ERMP1: variants seen among roughly 807,000 people sequenced by gnomAD.
The protein encoded by ERMP1 is endoplasmic reticulum metallopeptidase 1.
In ERMP1, 86 loss-of-function variants were observed where a neutral mutation model predicts 92.0. That is an observed-to-expected ratio of 0.93 (90% confidence interval 0.79 to 1.12). ERMP1 has a LOEUF of 1.12. Ranked by LOEUF, ERMP1 falls within the 50% of genes most tolerant of loss-of-function variation. ERMP1 has a pLI of 0.00. For missense variants in ERMP1, 1,342 were observed against 1,116.3 expected (o/e 1.20, Z -2.88); for synonymous variants, 530 against 412.8 (o/e 1.28, Z -3.44).
At chr9:5,811,026 G>C (rs1473042812) in intron 7 of ERMP1, 85 bp downstream of exon 7, 1 of 833,148 alleles carries the variant, frequency 1.2e-6, no homozygotes, top group Non-Finnish European at 1.9e-6. Flanking sequence ...TAGCTTTCTG[G>C]GAAGATATAA....
At chr9:5,832,568 G>C (rs757828642) in intron 1 of ERMP1, 122 bp downstream of exon 1, 11 of 753,506 alleles carry the variant, frequency 1.5e-5, no homozygotes, top group African/African-American at 3.7e-5. Context: ...CGTGCAGCCT[G>C]GGAGGGGTCA....
At chr9:5,841,067 T>C (rs556185265) in intron 6 of ERMP1, among the ~76,000 whole-genome samples, 4 of 152,248 alleles carry the variant, frequency 2.6e-5, no homozygotes, top group Non-Finnish European at 5.9e-5. Flanking sequence ...GAATGTAACA[T>C]TCATACCCTT....
rs528181688 is a variant in ERMP1 at position 5,828,141 on chromosome 9, A to G, written c.640+2586T>C. 3.9e-5 allele frequency among the ~76,000 whole-genome samples: 6 copies of G among 152,368 alleles called. No individual in the cohort carries two copies. The East Asian group carries it at 9.6e-4, about 24-fold the overall frequency. On this transcript the variant is annotated intron_variant, in intron 2 of 14. Coordinates refer to ENST00000339450, the MANE Select transcript of ERMP1 (RefSeq NM_024896.3). The stretch of plus-strand genomic sequence containing the variant: ...AAGTGAGAACCTGTCTCTATTATTT[A>G]AAACATAATAATAAAAAGTGGGTTC...
At chr9:5,796,806 T>C (rs1382431855) in intron 13 of ERMP1, among the ~76,000 whole-genome samples, 1 of 152,258 alleles carries the variant, frequency 6.6e-6, no homozygotes, top group African/African-American at 2.4e-5. Flanking sequence ...GGTAGATACA[T>C]GGCATCACAC....
At chr9:5,802,876 T>C (rs1423805591) in intron 10 of ERMP1, among the ~76,000 whole-genome samples, 1 of 152,174 alleles carries the variant, frequency 6.6e-6, no homozygotes, top group African/African-American at 2.4e-5. Context: ...CTCTTCATTT[T>C]ATTTTGCACC....
At chr9:5,832,633 C>G in intron 1 of ERMP1, 57 bp downstream of exon 1, 1 of 1,297,232 alleles carries the variant, frequency 7.7e-7, no homozygotes, top group Non-Finnish European at 1.0e-6. Context: ...TGCCCCGGAG[C>G]CTGCGCAGGA....
chr9:5,860,183 T>C (rs1830444283), intron 5 of ERMP1, among the ~76,000 whole-genome samples: 1 of 151,300 alleles, frequency 6.6e-6, no homozygotes, highest in Non-Finnish European at 1.5e-5. Flanking sequence ...TGCATACCTG[T>C]AGTCCCAGCT....
At chr9:5,856,864 G>A (rs932776856) in intron 6 of ERMP1, among the ~76,000 whole-genome samples, 4 of 152,022 alleles carry the variant, frequency 2.6e-5, no homozygotes, top group Admixed American at 1.3e-4. Context: ...TGAACAAAAC[G>A]TATACATGGA....
intron 8 of ERMP1, among the ~76,000 whole-genome samples, chr9:5,807,994 A>G (rs10975292): frequency 6.6e-6 from 1 of 151,300 alleles, no homozygotes; most frequent in African/African-American, 2.4e-5. Context: ...TGTTTTTTTT[A>G]AAAAAAAATA....
At chr9:5,800,070 T>A (rs1269569279) in intron 11 of ERMP1, among the ~76,000 whole-genome samples, 6 of 152,226 alleles carry the variant, frequency 3.9e-5, no homozygotes, top group Non-Finnish European at 8.8e-5. Context: ...CATTTCTGTT[T>A]GGCTAGATTA....
At chr9:5,797,751 A>G (rs1246839641) in intron 13 of ERMP1, 66 bp downstream of exon 13, 8 of 962,408 alleles carry the variant, frequency 8.3e-6, no homozygotes, top group Non-Finnish European at 1.3e-5. Context: ...AGGGAAAAAC[A>G]TACATGCCAC....
At chr9:5,821,812 G>GAC (rs1829547158) in intron 4 of ERMP1, among the ~76,000 whole-genome samples, 1 of 152,164 alleles carries the variant, frequency 6.6e-6, no homozygotes, top group Non-Finnish European at 1.5e-5. Context: ...AAAATACACA[G>GAC]ACACACTCCT....
intron 6 of ERMP1, among the ~76,000 whole-genome samples, chr9:5,811,796 CAT>C (rs755156126): frequency 1.2e-4 from 18 of 152,334 alleles, no homozygotes; most frequent in East Asian, 3.9e-4. Context: ...AGCTGTCACA[CAT>C]GTGTTAAAAA....
chr9:5,812,010 A>G (rs1829115206), intron 6 of ERMP1, 115 bp downstream of exon 6: 18 of 659,684 alleles, frequency 2.7e-5, no homozygotes, highest in Non-Finnish European at 2.1e-5. Context: ...GCCCTAGCTC[A>G]TTCACATTGC....
chr9:5,843,172 TAGA>T (rs1417240216), intron 6 of ERMP1, among the ~76,000 whole-genome samples: 3 of 152,326 alleles, frequency 2.0e-5, no homozygotes, highest in East Asian at 3.9e-4. Context: ...AGGTTAAGGT[TAGA>T]AGGAGTGGTA....
At chr9:5,817,701 C>T (rs574765168) in intron 4 of ERMP1, among the ~76,000 whole-genome samples, 2 of 152,200 alleles carry the variant, frequency 1.3e-5, no homozygotes, top group African/African-American at 4.8e-5. Context: ...TATGGGCATG[C>T]GTAACGTTCA....
intron 6 of ERMP1, among the ~76,000 whole-genome samples, chr9:5,857,568 C>T (rs529721681): frequency 6.6e-6 from 1 of 152,322 alleles, no homozygotes; most frequent in South Asian, 2.1e-4. Flanking sequence ...ACTCTTCTCC[C>T]TACTTATAAT....
chr9:5,791,890 A>G (rs1296928246), intron 13 of ERMP1, among the ~76,000 whole-genome samples: 1 of 152,242 alleles, frequency 6.6e-6, no homozygotes, highest in Non-Finnish European at 1.5e-5. Context: ...AAAGACATAA[A>G]CTACATAATC....
intron 4 of ERMP1, 69 bp downstream of exon 4, chr9:5,823,827 A>C: frequency 9.9e-7 from 1 of 1,014,800 alleles, no homozygotes; most frequent in Non-Finnish European, 1.5e-6. Flanking sequence ...TATTATTTAT[A>C]ATCAAAAACT....
Sources: gnomAD v4.1 joint callset for allele counts (sites outside exome capture counted in the v4.1 genomes callset) on GRCh38, gnomAD v4.1.1 for gene constraint, MANE v1.5 for transcripts, NCBI Gene and HGNC (gene_info 2026-07-23, HGNC 2026-07-21) for gene names.